Variants in HDAC9 observed in about 807,000 individuals in gnomAD.
HDAC9 encodes histone deacetylase 9.
In HDAC9, 41 loss-of-function variants were observed where a neutral mutation model predicts 139.4. The observed-to-expected ratio is 0.29, with a 90% CI of 0.23 to 0.38. HDAC9 has a LOEUF of 0.38. Ranked by LOEUF, HDAC9 falls within the 10% of genes least tolerant of loss-of-function variation. The pLI, the probability that HDAC9 is intolerant of heterozygous loss-of-function variation, is 1.00. For missense variants in HDAC9, 1,147 were observed against 1,297.0 expected, an observed-to-expected ratio of 0.88 and a Z score of 1.78; for synonymous variants, 517 against 476.2, an observed-to-expected ratio of 1.09 and a Z score of -1.12.
At chr7:18,116,821 A>G (rs1453017305) in intron 1 of HDAC9, among the ~76,000 whole-genome samples, 1 of 152,150 alleles carries the variant, frequency 6.6e-6, no homozygotes, top group Non-Finnish European at 1.5e-5. Flanking sequence ...AATTGGCTTA[A>G]ATGTATGAAA....
chr7:18,496,373 G>A (rs1796950355), intron 2 of HDAC9, 49 bp downstream of exon 2: 1 of 1,536,234 alleles, frequency 6.5e-7, no homozygotes. Context: ...AAAGGGGGCT[G>A]GCTTGGGAAA....
chr7:18,487,649 T>G (rs541581485), intron 1 of HDAC9, among the ~76,000 whole-genome samples: 15 of 152,204 alleles, frequency 9.9e-5, no homozygotes, highest in Admixed American at 3.3e-4. Context: ...AAGTAAAATA[T>G]GTTTTAGGTA....
At chr7:18,627,460 A>G (rs1367394653) in intron 6 of HDAC9, among the ~76,000 whole-genome samples, 1 of 152,228 alleles carries the variant, frequency 6.6e-6, no homozygotes, top group Non-Finnish European at 1.5e-5. Context: ...TTTATTATCT[A>G]TAACTTTTTG....
At chr7:18,538,330 A>G (rs1261461676) in intron 2 of HDAC9, among the ~76,000 whole-genome samples, 1 of 152,214 alleles carries the variant, frequency 6.6e-6, no homozygotes, top group Non-Finnish European at 1.5e-5. Context: ...TAAACATACT[A>G]GTTAAGTATG....
intron 1 of HDAC9, among the ~76,000 whole-genome samples, chr7:18,439,976 T>C (rs1791595483): frequency 6.6e-6 from 1 of 152,160 alleles, no homozygotes; most frequent in Non-Finnish European, 1.5e-5. Flanking sequence ...ACCTTCAACT[T>C]GTATTGATGC....
At chr7:18,822,559 T>C (rs1025188573) in intron 17 of HDAC9, among the ~76,000 whole-genome samples, 6 of 152,046 alleles carry the variant, frequency 3.9e-5, no homozygotes, top group Non-Finnish European at 7.4e-5. Context: ...TTCACCACAT[T>C]GGCCAGGCTG....
intron 2 of HDAC9, among the ~76,000 whole-genome samples, chr7:18,234,873 A>G (rs1466583679): frequency 6.6e-6 from 1 of 152,204 alleles, no homozygotes; most frequent in African/African-American, 2.4e-5. Flanking sequence ...GAACATTTGG[A>G]GATGGAGAGA....
At chr7:18,439,216 A>G (rs1290115276) in intron 1 of HDAC9, among the ~76,000 whole-genome samples, 4 of 152,130 alleles carry the variant, frequency 2.6e-5, no homozygotes, top group Non-Finnish European at 5.9e-5. Context: ...AGTCTGTTTC[A>G]TTCTCTCTCT....
intron 2 of HDAC9, among the ~76,000 whole-genome samples, chr7:18,169,391 G>T (rs758358454): frequency 3.3e-5 from 5 of 151,776 alleles, no homozygotes; most frequent in African/African-American, 4.8e-5. Flanking sequence ...GTTTCCAGCG[G>T]GTGAGGCATC....
chr7:18,254,945 A>G (rs182524656), intron 2 of HDAC9, among the ~76,000 whole-genome samples: 2 of 152,314 alleles, frequency 1.3e-5, no homozygotes, highest in East Asian at 3.9e-4. Flanking sequence ...TTTATATTTG[A>G]TATGTTTTAT....
intron 22 of HDAC9, among the ~76,000 whole-genome samples, chr7:18,888,121 T>C (rs10280885): frequency 0.02 from 3,110 of 152,276 alleles, 104 homozygotes; most frequent in African/African-American, 0.071. Flanking sequence ...AAGAGCTCTA[T>C]AGAAATGAGC....
intron 12 of HDAC9, among the ~76,000 whole-genome samples, chr7:18,692,062 A>G (rs961394039): frequency 3.3e-5 from 5 of 152,124 alleles, no homozygotes; most frequent in African/African-American, 9.7e-5. Flanking sequence ...TAAATGGTGA[A>G]TGAGTCTCAG....
intron 21 of HDAC9, among the ~76,000 whole-genome samples, chr7:18,839,601 C>G (rs1237613333): frequency 6.6e-6 from 1 of 152,036 alleles, no homozygotes; most frequent in Non-Finnish European, 1.5e-5. Context: ...TTGTCAAGCT[C>G]AGGTATTAAG....
intron 12 of HDAC9, among the ~76,000 whole-genome samples, chr7:18,696,493 G>C (rs2129101178): frequency 6.7e-6 from 1 of 149,892 alleles, no homozygotes. Flanking sequence ...TTTTGAGACG[G>C]AGTCTTGCTC....
chr7:18,928,711 TTTA>T (rs1394873536), intron 22 of HDAC9, among the ~76,000 whole-genome samples: 9 of 152,118 alleles, frequency 5.9e-5, no homozygotes, highest in African/African-American at 2.2e-4. Flanking sequence ...ATGATTTTGT[TTTA>T]TTTAGAAAAT....
chr7:18,911,855 A>C (rs1802769523), intron 22 of HDAC9, among the ~76,000 whole-genome samples: 1 of 151,992 alleles, frequency 6.6e-6, no homozygotes. Context: ...TGTGGTCAGA[A>C]AAGATATCTG....
chr7:18,086,903 CGCGGCG>C (rs535747379), upstream of HDAC9: 8 of 144,542 alleles, frequency 5.5e-5, no homozygotes, highest in African/African-American at 1.3e-4. Context: ...GCCCCCCCCG[CGCGGCG>C]GCGGCGGCGG....
In HDAC9 at chr7:18,972,369, C is replaced by CTT. The variant is rs199909134; in HGVS notation, c.3023-3409_3023-3408dup. On this transcript the variant is annotated intron_variant, in intron 24 of 25. Transcript: ENST00000686413. ...TTAGCTCAATTTTCGATGAACTTCT[C>CTT]TTTTTTTTTTTTTTTTTTTTTTTTT... Among the ~76,000 whole-genome samples, 169 of 94,880 alleles carry CTT rather than the reference C, an allele frequency of 1.8e-3. 8 individuals are homozygous for CTT. The highest frequency in any genetic ancestry group is 2.6e-3 in the African/African-American group (68 of 26,144). 62.2% of individuals were successfully genotyped at this position (94,880 alleles called of 152,430 possible). A position where few individuals can be genotyped will look rare whatever the true frequency, so the allele number is the denominator to read the frequency against.
intron 2 of HDAC9, among the ~76,000 whole-genome samples, chr7:18,179,917 G>A (rs17346073): frequency 1.3e-5 from 2 of 152,018 alleles, no homozygotes; most frequent in Admixed American, 6.6e-5. Context: ...TCTCTCAACC[G>A]TGACCTGTAA....
Sources: gnomAD v4.1 joint callset for allele counts (sites outside exome capture counted in the v4.1 genomes callset) on GRCh38, gnomAD v4.1.1 for gene constraint, MANE v1.5 for transcripts, NCBI Gene and HGNC (gene_info 2026-07-23, HGNC 2026-07-21) for gene names.